Variants in HS6ST2 observed in about 807,000 individuals in gnomAD.
HS6ST2 encodes the protein heparan-sulfate 6-O-sulfotransferase 2.
Under a neutral mutation model 33.0 loss-of-function variants are expected in HS6ST2, and 17 were observed. The observed-to-expected ratio is 0.52, with a 90% CI of 0.35 to 0.77. The LOEUF is 0.77. Among genes scored for constraint, HS6ST2 ranks in the 30% least tolerant of loss-of-function variants. The probability of loss-of-function intolerance (pLI) is 0.01; values close to 1 mark genes in which losing one functional copy is unlikely to be tolerated. For missense variants in HS6ST2, 519 were observed against 551.7 expected (o/e 0.94, Z 0.59); for synonymous variants, 248 against 237.1 (o/e 1.05, Z -0.42).
At chrX:132,931,990 TC>T (rs1388427225) in intron 2 of HS6ST2, among the ~76,000 whole-genome samples, 3 of 108,731 alleles carry the variant, frequency 2.8e-5, no homozygotes, top group Non-Finnish European at 5.7e-5. Context: ...ATCGAGACCA[TC>T]CTGGCTAACA....
chrX:132,757,353 C>G (rs761042021), intron 2 of HS6ST2, among the ~76,000 whole-genome samples: 1 of 111,945 alleles, frequency 8.9e-6, no homozygotes, highest in Non-Finnish European at 1.9e-5. Flanking sequence ...AAACAAGCCT[C>G]GAGCACAGAG....
intron 2 of HS6ST2, among the ~76,000 whole-genome samples, chrX:132,943,519 A>T (rs1395299603): frequency 1.8e-5 from 2 of 111,543 alleles, no homozygotes; most frequent in African/African-American, 6.5e-5. Flanking sequence ...TGAGGCCAGC[A>T]TCATCCTGAT....
At chrX:132,636,430 A>G (rs1312938385) in intron 4 of HS6ST2, among the ~76,000 whole-genome samples, 1 of 112,003 alleles carries the variant, frequency 8.9e-6, no homozygotes, top group Non-Finnish European at 1.9e-5. Context: ...AAGTTTAAGG[A>G]CGTTAAAAAT....
At chrX:132,770,820 G>A (rs2064891281) in intron 2 of HS6ST2, among the ~76,000 whole-genome samples, 1 of 111,367 alleles carries the variant, frequency 9.0e-6, no homozygotes, top group African/African-American at 3.3e-5. Context: ...TACAACACAA[G>A]CCATAAAAAT....
chrX:132,743,578 C>T (rs190522130), intron 2 of HS6ST2, among the ~76,000 whole-genome samples: 56 of 111,725 alleles, frequency 5.0e-4, no homozygotes, highest in African/African-American at 1.7e-3. Context: ...AAGCCCATTG[C>T]TAAAGGCTTA....
At chrX:132,935,367 C>A (rs1223400939) in intron 2 of HS6ST2, among the ~76,000 whole-genome samples, 2 of 111,489 alleles carry the variant, frequency 1.8e-5, no homozygotes, top group Admixed American at 1.9e-4. Context: ...TGTGTCTCAA[C>A]ATATTTTTTT....
In HS6ST2 at chrX:132,679,761, G is replaced by T. The variant is rs1040107669; in HGVS notation, c.981-10562C>A. Among the ~76,000 whole-genome samples the T allele has an allele frequency of 9.2e-5, 10 of 108,281 alleles. No homozygotes were observed. The South Asian group carries it at 4.3e-3, about 47-fold the overall frequency. The allele number at this position is 108,281 out of a possible 115,157, so 94.0% of individuals were successfully genotyped here. A position where few individuals can be genotyped will look rare whatever the true frequency, so the allele number is the denominator to read the frequency against. Reference sequence around the variant, plus strand: ...AGAAGACAACCACGCCTGGGGGGGGGCCAGTTCAGAGACCCACCCCCAGGC... The same window carrying T: ...AGAAGACAACCACGCCTGGGGGGGGTCCAGTTCAGAGACCCACCCCCAGGC... On this transcript the variant is annotated intron_variant, in intron 3 of 4. Coordinates refer to ENST00000370833, the MANE Select transcript of HS6ST2 (RefSeq NM_001394073.1).
intron 2 of HS6ST2, among the ~76,000 whole-genome samples, chrX:132,849,804 G>A (rs1184992375): frequency 1.8e-5 from 2 of 112,249 alleles, no homozygotes; most frequent in Non-Finnish European, 3.8e-5. Flanking sequence ...GAAGATAGCA[G>A]TGTTAAACCA....
At chrX:132,942,772 T>C (rs1602910719) in intron 2 of HS6ST2, among the ~76,000 whole-genome samples, 1 of 112,141 alleles carries the variant, frequency 8.9e-6, no homozygotes, top group Non-Finnish European at 1.9e-5. Context: ...TGGTCATTTA[T>C]AGAAACAGGT....
intron 3 of HS6ST2, among the ~76,000 whole-genome samples, chrX:132,670,407 G>A (rs1231030042): frequency 9.0e-6 from 1 of 111,254 alleles, no homozygotes; most frequent in African/African-American, 3.3e-5. Flanking sequence ...AGATAATGAT[G>A]GGTTCCTGGT....
chrX:132,865,709 G>A (rs373502419), intron 2 of HS6ST2, among the ~76,000 whole-genome samples: 2 of 112,147 alleles, frequency 1.8e-5, no homozygotes, highest in Non-Finnish European at 3.8e-5. Flanking sequence ...GGTTTTGATT[G>A]GCATTTCTCT....
chrX:132,638,286 T>A (rs2063577188), intron 4 of HS6ST2, among the ~76,000 whole-genome samples: 1 of 110,417 alleles, frequency 9.1e-6, no homozygotes, highest in African/African-American at 3.3e-5. Context: ...CAAACATGCT[T>A]CTGATGGAGC....
At position 132,668,700 on chromosome X, in the gene HS6ST2, C is replaced by G. The variant is rs200675943; in HGVS notation, c.1067+413G>C. On this transcript the variant is annotated intron_variant, in intron 4 of 4. Coordinates refer to ENST00000370833, the MANE Select transcript of HS6ST2 (RefSeq NM_001394073.1). Reference sequence around the variant, plus strand: ...TTATGGAAAAGCTTACCAGATTCTTCTAACTCAAGCCTAAACTCAGTGTAT... The same window carrying G: ...TTATGGAAAAGCTTACCAGATTCTTGTAACTCAAGCCTAAACTCAGTGTAT... 1.2e-4 allele frequency among the ~76,000 whole-genome samples: 13 copies of G among 111,996 alleles called. No individual in the cohort carries two copies. The East Asian group carries it at 3.4e-3, about 29-fold the overall frequency.
At chrX:132,783,977 GC>G (rs1188611514) in intron 2 of HS6ST2, among the ~76,000 whole-genome samples, 2 of 111,634 alleles carry the variant, frequency 1.8e-5, no homozygotes, top group Non-Finnish European at 3.8e-5. Context: ...CTGGAATCAG[GC>G]AGGAGAGGGA....
At chrX:132,837,484 A>G (rs917665694) in intron 2 of HS6ST2, among the ~76,000 whole-genome samples, 4 of 111,673 alleles carry the variant, frequency 3.6e-5, no homozygotes, top group African/African-American at 9.8e-5. Flanking sequence ...CACTGGCCAC[A>G]GTTTGCAGTG....
upstream of HS6ST2, among the ~76,000 whole-genome samples, chrX:132,959,977 A>G (rs747998951): frequency 2.7e-5 from 3 of 112,007 alleles, no homozygotes; most frequent in Non-Finnish European, 5.6e-5. Flanking sequence ...CGTGCCCCCA[A>G]ACCTACTGGG....
intron 2 of HS6ST2, among the ~76,000 whole-genome samples, chrX:132,808,087 T>C (rs1293178244): frequency 1.8e-5 from 2 of 111,648 alleles, no homozygotes; most frequent in Admixed American, 9.5e-5. Flanking sequence ...GCTGAGAAAA[T>C]GGCTTTCTCT....
At chrX:132,861,948 G>A (rs1357952015) in intron 2 of HS6ST2, among the ~76,000 whole-genome samples, 1 of 111,915 alleles carries the variant, frequency 8.9e-6, no homozygotes, top group Non-Finnish European at 1.9e-5. Flanking sequence ...GGAACAGATG[G>A]TTTCTTAAAT....
intron 2 of HS6ST2, among the ~76,000 whole-genome samples, chrX:132,817,639 C>A (rs2065407495): frequency 8.9e-6 from 1 of 111,966 alleles, no homozygotes; most frequent in Admixed American, 9.5e-5. Flanking sequence ...CAAATCAATT[C>A]AATTGAACAA....
Sources: gnomAD v4.1 joint callset for allele counts (sites outside exome capture counted in the v4.1 genomes callset) on GRCh38, gnomAD v4.1.1 for gene constraint, MANE v1.5 for transcripts, NCBI Gene and HGNC (gene_info 2026-07-23, HGNC 2026-07-21) for gene names.